Variants in CPZ observed in about 807,000 individuals in gnomAD.
The protein encoded by CPZ is VEZT/CPZ fusion.
Under a neutral mutation model 61.8 loss-of-function variants are expected in CPZ, and 103 were observed. The ratio of observed to expected loss-of-function variants is 1.67; its 90% CI spans 1.42 to 1.96. The LOEUF is 1.96. CPZ is among the 30% of genes most tolerant of loss of function. The pLI, the probability that CPZ is intolerant of heterozygous loss-of-function variation, is 0.00. For synonymous variants in CPZ, 551 were observed against 373.7 expected, an observed-to-expected ratio of 1.47 and a Z score of -5.47; for missense variants, 1,461 against 914.9, an observed-to-expected ratio of 1.60 and a Z score of -7.70.
chr4:8,614,338 C>A lies in CPZ; in HGVS notation c.1364-21C>A, dbSNP rs376045708. On this transcript the variant is annotated intron_variant, in intron 8 of 10. Coordinates refer to ENST00000360986, the MANE Select transcript of CPZ (RefSeq NM_001014447.3). ...CTGTGCGGCTGACACCCCTGACGTC[C>A]CCGCTGTCTCTGTGCCACAGGCATG... 10 of 1,604,684 alleles carry A rather than the reference C, an allele frequency of 6.2e-6. 3 individuals are homozygous for A. The South Asian group carries it at 8.9e-5, about 14-fold the overall frequency.
At chr4:8,599,239 G>T (rs1209001575) in intron 1 of CPZ, among the ~76,000 whole-genome samples, 1 of 152,226 alleles carries the variant, frequency 6.6e-6, no homozygotes, top group Non-Finnish European at 1.5e-5. Flanking sequence ...CCTTAGGCAG[G>T]TCATGTGACC....
chr4:8,611,048 G>T (rs138647056), intron 7 of CPZ: 1 of 367,548 alleles, frequency 2.7e-6, no homozygotes, highest in South Asian at 2.0e-5. Context: ...ACTTGCTCAC[G>T]CATTCGCTCA....
chr4:8,605,493 TTCATCCAGCCATTATTCAC>T (rs1714889735), intron 4 of CPZ, among the ~76,000 whole-genome samples: 6 of 152,106 alleles, frequency 3.9e-5, no homozygotes, highest in African/African-American at 4.8e-5. Context: ...TATCCATTAT[TTCATCCAGCCATTATTCAC>T]TCATCCATCC....
At chr4:8,604,682 C>T (rs1714805911) in intron 4 of CPZ, among the ~76,000 whole-genome samples, 1 of 152,168 alleles carries the variant, frequency 6.6e-6, no homozygotes, top group South Asian at 2.1e-4. Flanking sequence ...GGGGTTTCAC[C>T]ATGTTGGCCA....
chr4:8,617,965 G>C (rs576690076), intron 9 of CPZ: 7 of 188,420 alleles, frequency 3.7e-5, no homozygotes, highest in Non-Finnish European at 6.7e-5. Flanking sequence ...TGTTATACAC[G>C]TGTACGATGA....
intron 10 of CPZ, 64 bp from the exon 11 acceptor site, chr4:8,619,198 C>T: frequency 7.1e-7 from 1 of 1,404,600 alleles, no homozygotes; most frequent in South Asian, 1.3e-5. Flanking sequence ...ATATCCATCA[C>T]CCATCACCCC....
chr4:8,605,942 A>C (rs946357134), intron 4 of CPZ, 47 bp from the exon 5 acceptor site: 14 of 1,576,960 alleles, frequency 8.9e-6, no homozygotes, highest in Non-Finnish European at 1.2e-5. Context: ...GCCTTTGGGG[A>C]CCCCCGGCTT....
intron 3 of CPZ, chr4:8,603,643 G>A (rs1042463692): frequency 8.3e-5 from 29 of 349,884 alleles, no homozygotes; most frequent in African/African-American, 5.1e-4. Flanking sequence ...CACCCAGCAG[G>A]GGTTTGCCTT....
rs1369834599 is a variant in CPZ at position 8,619,381 on chromosome 4, G to T, written c.1723G>T (p.Gly575Cys). 1.2e-6 allele frequency: 2 copies of T among 1,614,088 alleles called. No homozygotes were observed. Among genetic ancestry groups the T allele is most frequent in the African/African-American group, 2.7e-5 (2 of 74,948 alleles). Reference protein sequence around the residue: ...VIIPARMKRAGRVDFILQPLG... With the variant: ...VIIPARMKRACRVDFILQPLG... ...CATCCCCGCCCGGATGAAGAGGGCT[G>T]GCCGTGTGGACTTCATTCTGCAACC... The change falls in exon 11 of 11, where the codon GGC becomes TGC. Residue 575 changes from glycine (G) to cysteine (C), a missense_variant. Physicochemically the swap from Gly to Cys is radical, Grantham distance 159 (BLOSUM62 -3). Coordinates refer to ENST00000360986, the MANE Select transcript of CPZ (RefSeq NM_001014447.3).
At chr4:8,595,327 C>T (rs966613210) in intron 1 of CPZ, among the ~76,000 whole-genome samples, 5 of 152,196 alleles carry the variant, frequency 3.3e-5, no homozygotes, top group Non-Finnish European at 5.9e-5. Flanking sequence ...TGTGCGTTTG[C>T]AAGTCTGCAG....
At chr4:8,605,322 T>TCATCCATCCATC (rs6148295) in intron 4 of CPZ, among the ~76,000 whole-genome samples, 4,846 of 150,006 alleles carry the variant, frequency 0.032, 114 homozygotes, top group African/African-American at 0.049. Context: ...ATTCATTTAT[T>TCATCCATCCATC]CATCCATCCA....
chr4:8,615,443 C>T (rs1282349753), intron 9 of CPZ, among the ~76,000 whole-genome samples: 1 of 152,228 alleles, frequency 6.6e-6, no homozygotes, highest in East Asian at 1.9e-4. Flanking sequence ...TCAAGAATCA[C>T]ATAAATTGCA....
At chr4:8,617,792 T>G (rs972364216) in intron 9 of CPZ, among the ~76,000 whole-genome samples, 4 of 152,124 alleles carry the variant, frequency 2.6e-5, no homozygotes, top group East Asian at 1.9e-4. Flanking sequence ...AGGGGCCGTG[T>G]GGGTGGTTTG....
intron 7 of CPZ, 74 bp from the exon 8 acceptor site, chr4:8,611,953 C>T: frequency 6.2e-7 from 1 of 1,607,078 alleles, no homozygotes; most frequent in African/African-American, 1.3e-5. Flanking sequence ...CGCAGCTCCT[C>T]CCCTCATTGA....
chr4:8,612,877 C>T (rs1419195036), intron 8 of CPZ, among the ~76,000 whole-genome samples: 2 of 152,334 alleles, frequency 1.3e-5, no homozygotes, highest in East Asian at 3.9e-4. Flanking sequence ...CGTGGCATCC[C>T]CTTCTGCCCC....
intron 2 of CPZ, 50 bp from the exon 3 acceptor site, chr4:8,601,073 C>A (rs769184101): frequency 6.6e-7 from 1 of 1,516,500 alleles, no homozygotes; most frequent in Non-Finnish European, 8.9e-7. Flanking sequence ...TGATGCGTGA[C>A]GGTCAGGGCC....
At chr4:8,603,937 G>A (rs765734597) in intron 3 of CPZ, 39 bp from the exon 4 acceptor site, 4 of 1,582,486 alleles carry the variant, frequency 2.5e-6, no homozygotes, top group African/African-American at 2.7e-5. Context: ...GGAAGCCTGG[G>A]GGCCTGACAC....
intron 9 of CPZ, among the ~76,000 whole-genome samples, chr4:8,617,292 A>G (rs1289453035): frequency 3.3e-5 from 5 of 152,222 alleles, no homozygotes; most frequent in African/African-American, 1.2e-4. Flanking sequence ...GGCACCCAGA[A>G]GCAAAGGTTT....
At chr4:8,613,360 G>C (rs1469325483) in intron 8 of CPZ, among the ~76,000 whole-genome samples, 1 of 152,184 alleles carries the variant, frequency 6.6e-6, no homozygotes, top group Non-Finnish European at 1.5e-5. Flanking sequence ...TTGATCTCCT[G>C]ACCTCGTGAT....
Sources: allele counts gnomAD v4.1 joint callset (sites outside exome capture counted in the v4.1 genomes callset), GRCh38; gene constraint gnomAD v4.1.1; transcripts MANE v1.5; gene names NCBI Gene and HGNC (gene_info 2026-07-23, HGNC 2026-07-21).